The following PCNT variants were observed in gnomAD, a reference collection of about 807,000 sequenced individuals.
PCNT encodes kendrin.
In PCNT, 319 loss-of-function variants were observed where a neutral mutation model predicts 380.4. The ratio of observed to expected loss-of-function variants is 0.84; its 90% CI spans 0.77 to 0.92. PCNT has a LOEUF of 0.92. Among genes scored for constraint, PCNT ranks in the 40% least tolerant of loss-of-function variants. The probability of loss-of-function intolerance (pLI) is 0.00; values close to 1 mark genes in which losing one functional copy is unlikely to be tolerated. For missense variants in PCNT, 4,400 were observed against 4,255.3 expected (o/e 1.03, Z -0.95); for synonymous variants, 1,845 against 1,735.2 (o/e 1.06, Z -1.57).
chr21:46,430,550 C>T lies in PCNT; in HGVS notation c.7957C>T (p.Gln2653Ter), dbSNP rs1472966869. 1.9e-6 allele frequency: 3 copies of T among 1,556,724 alleles called. No homozygotes were observed. Among genetic ancestry groups the T allele is most frequent in the Non-Finnish European group, 2.6e-6 (3 of 1,150,582 alleles). Residue 2653 changes from glutamine to a stop codon, truncating the protein, a stop_gained, in exon 37 of 47, where the codon CAG becomes TAG. Transcript: ENST00000359568. LOFTEE classifies it high-confidence loss of function. ...SKENELKAAL[Q>*]ELESEQGKGR... ...GGAGAACGAGCTGAAGGCCGCGCTTCAGGAGCTGGAGAGTGAGCAGGGGAA... is the reference window on the plus strand; with the variant it reads ...GGAGAACGAGCTGAAGGCCGCGCTTTAGGAGCTGGAGAGTGAGCAGGGGAA...
intron 35 of PCNT, among the ~76,000 whole-genome samples, chr21:46,428,842 G>T (rs1165419995): frequency 6.6e-6 from 1 of 152,230 alleles, no homozygotes; most frequent in Non-Finnish European, 1.5e-5. Flanking sequence ...TGGGCTCTGA[G>T]TGCTGGCAGA....
At chr21:46,436,470 GCCCCCC>G (rs1158167144) in intron 39 of PCNT, among the ~76,000 whole-genome samples, 4 of 4,758 alleles carry the variant, frequency 8.4e-4, no homozygotes, top group Non-Finnish European at 1.1e-3. Context: ...GCCTCCTGTG[GCCCCCC>G]CCCCCCCCCC....
chr21:46,327,305 C>T (rs577918548), intron 2 of PCNT, among the ~76,000 whole-genome samples: 14 of 152,178 alleles, frequency 9.2e-5, no homozygotes, highest in East Asian at 7.8e-4. Flanking sequence ...GTGATCTGCC[C>T]GCCTCGGCCT....
At chr21:46,331,001 A>G (rs2083541200) in intron 2 of PCNT, among the ~76,000 whole-genome samples, 1 of 152,134 alleles carries the variant, frequency 6.6e-6, no homozygotes, top group South Asian at 2.1e-4. Flanking sequence ...AGCTTATTGA[A>G]CAGCATAAGA....
intron 27 of PCNT, among the ~76,000 whole-genome samples, chr21:46,404,680 GCTCAAACGC>G (rs2086572492): frequency 6.6e-6 from 1 of 152,164 alleles, no homozygotes; most frequent in Non-Finnish European, 1.5e-5. Flanking sequence ...GGGCACGGTG[GCTCAAACGC>G]CTGTATTCTC....
intron 15 of PCNT, 67 bp from the exon 16 acceptor site, chr21:46,381,627 C>G (rs1169495228): frequency 4.7e-6 from 7 of 1,475,542 alleles, no homozygotes; most frequent in African/African-American, 1.4e-5. Flanking sequence ...GTGCTGAATT[C>G]CGGCTAACAG....
chr21:46,388,530 C>T lies in PCNT; in HGVS notation c.3465-212C>T, dbSNP rs1368177275. Among the ~76,000 whole-genome samples, 3 of 152,232 alleles carry T rather than the reference C, an allele frequency of 2.0e-5. No homozygotes were observed. Among genetic ancestry groups the T allele is most frequent in the African/African-American group, 4.8e-5 (2 of 41,464 alleles). On this transcript the variant is annotated intron_variant, in intron 17 of 46. Transcript: ENST00000359568. The surrounding 1 kb of genome is among the most constrained non-coding windows in gnomAD (Gnocchi z 4.2). ...CAGGAAGACCTCACCTAGGAAAGCC[C>T]GTGTCCCTGAGTGGGCTCCACGTGG...
At chr21:46,346,695 C>T in intron 4 of PCNT, 48 bp from the exon 5 acceptor site, 2 of 1,570,490 alleles carry the variant, frequency 1.3e-6, no homozygotes, top group Non-Finnish European at 1.7e-6. Flanking sequence ...CCTGATGCGC[C>T]CTGGTTCTGA....
chr21:46,351,799 C>G (rs1215757674), intron 9 of PCNT, among the ~76,000 whole-genome samples: 1 of 152,216 alleles, frequency 6.6e-6, no homozygotes, highest in African/African-American at 2.4e-5. Context: ...GCAACACTTG[C>G]AGGGGGTGCC....
intron 21 of PCNT, among the ~76,000 whole-genome samples, chr21:46,393,360 C>T (rs1272433627): frequency 6.6e-6 from 1 of 152,196 alleles, no homozygotes; most frequent in African/African-American, 2.4e-5. Context: ...CTGCATCGCT[C>T]TCAGCATCTT....
At chr21:46,415,330 G>A (rs2086980841) in intron 29 of PCNT, among the ~76,000 whole-genome samples, 1 of 148,298 alleles carries the variant, frequency 6.7e-6, no homozygotes, top group Non-Finnish European at 1.5e-5. Context: ...GCGGCAAACA[G>A]TCTTGGGGCC....
At chr21:46,407,140 T>A (rs1442613698) in intron 27 of PCNT, among the ~76,000 whole-genome samples, 1 of 152,194 alleles carries the variant, frequency 6.6e-6, no homozygotes, top group Non-Finnish European at 1.5e-5. Context: ...CTGGGATTTC[T>A]TCTTTGAATG....
In PCNT at chr21:46,330,717, A is replaced by C. The variant is rs569813546; in HGVS notation, c.268-3680A>C. Among the ~76,000 whole-genome samples, 3 of 152,316 alleles carry C rather than the reference A, an allele frequency of 2.0e-5. No homozygotes were observed. In the South Asian group the frequency reaches 6.2e-4, roughly 32 times the overall value. On this transcript the variant is annotated intron_variant, in intron 2 of 46. Coordinates refer to ENST00000359568, the MANE Select transcript of PCNT (RefSeq NM_006031.6). The stretch of plus-strand genomic sequence containing the variant: ...CAGTTGTAGATGTTAAAATAGGAGT[A>C]ATTTTGTGTTCAAAATAATGATCTT...
intron 21 of PCNT, among the ~76,000 whole-genome samples, chr21:46,396,389 G>A (rs958448490): frequency 2.0e-5 from 3 of 152,212 alleles, no homozygotes; most frequent in South Asian, 2.1e-4. Context: ...CCTCCGGAGT[G>A]GAGGGCTGGA....
chr21:46,436,840 C>CA (rs938766768), intron 39 of PCNT, 139 bp from the exon 40 acceptor site: 17 of 720,986 alleles, frequency 2.4e-5, no homozygotes, highest in African/African-American at 2.3e-4. Flanking sequence ...GGCTCTGCCT[C>CA]ACGGCTGGAC....
At chr21:46,415,888 A>G (rs556935937) in intron 29 of PCNT, among the ~76,000 whole-genome samples, 181 bp from the exon 30 acceptor site, 22 of 152,324 alleles carry the variant, frequency 1.4e-4, no homozygotes, top group African/African-American at 5.3e-4. Context: ...CCTTTTAAGC[A>G]AGGAGATGTA....
Position 46,437,100 on chromosome 21 carries a change from C to T in PCNT, c.9099+19C>T, listed in dbSNP as rs1348126079. 15 of 1,577,984 alleles carry T rather than the reference C, an allele frequency of 9.5e-6. No individual in the cohort carries two copies. Among genetic ancestry groups the T allele is most frequent in the Non-Finnish European group, 1.3e-5 (15 of 1,148,244 alleles). The stretch of plus-strand genomic sequence containing the variant: ...CTCCCAGGTAAGGGGTGAGCGCCCC[C>T]AGGTCCCTGGCCTGGCTCCTCCCCC... On this transcript the variant is annotated intron_variant, in intron 40 of 46. Coordinates refer to ENST00000359568, the MANE Select transcript of PCNT (RefSeq NM_006031.6).
Position 46,353,346 on chromosome 21 carries a change from C to T in PCNT, c.1679+20C>T. ...AGTTGGGTAAGCAAAGCAGTTCCAG[C>T]CTCAGTGAGTTTCTGCCATACAGGG... On this transcript the variant is annotated intron_variant, in intron 10 of 46. Coordinates refer to ENST00000359568, the MANE Select transcript of PCNT (RefSeq NM_006031.6). The T allele has an allele frequency of 6.3e-7, 1 of 1,599,046 alleles. No individual in the cohort carries two copies. The highest frequency in any genetic ancestry group is 8.6e-7 in the Non-Finnish European group (1 of 1,166,408).
At chr21:46,346,678 G>A (rs1489949291) in intron 4 of PCNT, 65 bp from the exon 5 acceptor site, 4 of 1,538,870 alleles carry the variant, frequency 2.6e-6, no homozygotes, top group Admixed American at 3.9e-5. Context: ...TCATGCTTCT[G>A]TGTCTCCCTG....
Sources: gnomAD v4.1 joint callset for allele counts (sites outside exome capture counted in the v4.1 genomes callset) on GRCh38, gnomAD v4.1.1 for gene constraint, Gnocchi (gnomAD v3.1) non-coding constraint, MANE v1.5 for transcripts, NCBI Gene and HGNC (gene_info 2026-07-23, HGNC 2026-07-21) for gene names.